TRIM44: variants seen among roughly 807,000 people sequenced by gnomAD.
TRIM44 encodes the protein tripartite motif containing 44.
Under a neutral mutation model 37.4 loss-of-function variants are expected in TRIM44, and 13 were observed. The ratio of observed to expected loss-of-function variants is 0.35; its 90% confidence interval spans 0.23 to 0.55. The LOEUF is 0.55. Among genes scored for constraint, TRIM44 ranks in the 20% least tolerant of loss-of-function variants. The pLI is 0.89. For missense variants in TRIM44, 426 were observed against 437.2 expected (o/e 0.97, Z 0.23); for synonymous variants, 175 against 157.2 (o/e 1.11, Z -0.85).
In TRIM44 at chr11:35,813,700, T is replaced by C. The variant is rs1203950926; in HGVS notation, c.*7315T>C. The C allele has an allele frequency of 6.6e-6, 1 of 151,870 alleles. No individual in the cohort carries two copies. Among genetic ancestry groups the C allele is most frequent in the Non-Finnish European group, 1.5e-5 (1 of 68,014 alleles). 9.4% of individuals were successfully genotyped at this position (151,870 alleles called of 1,614,324 possible). On this transcript the variant is annotated 3_prime_UTR_variant, in exon 5 of 5. Transcript: ENST00000299413. ...TTTAAAATGATGACCCTGTGCACCATACATAAAAAAACTATGCTTAGAAGA... is the reference window on the plus strand; with the variant it reads ...TTTAAAATGATGACCCTGTGCACCACACATAAAAAAACTATGCTTAGAAGA...
intron 4 of TRIM44, among the ~76,000 whole-genome samples, chr11:35,796,337 CAA>C (rs1853289460): frequency 6.6e-6 from 1 of 152,174 alleles, no homozygotes. Flanking sequence ...AGATAAGTGT[CAA>C]GTATATTTAT....
chr11:35,791,686 G>A (rs559046870), intron 4 of TRIM44, among the ~76,000 whole-genome samples: 26 of 152,052 alleles, frequency 1.7e-4, no homozygotes, highest in African/African-American at 5.5e-4. Context: ...CATACCCCCC[G>A]CTCCTTGCCC....
intron 2 of TRIM44, among the ~76,000 whole-genome samples, chr11:35,719,922 T>G (rs970285282): frequency 6.6e-6 from 1 of 152,216 alleles, no homozygotes; most frequent in Non-Finnish European, 1.5e-5. Flanking sequence ...TTTGCTAGTA[T>G]CACACTGTCT....
chr11:35,759,503 C>T (rs1320227122), intron 4 of TRIM44, among the ~76,000 whole-genome samples: 1 of 152,232 alleles, frequency 6.6e-6, no homozygotes, highest in South Asian at 2.1e-4. Context: ...CTCAACTCGT[C>T]AAAGTCATTC....
At position 35,729,825 on chromosome 11, in the gene TRIM44, C is replaced by G. The variant is rs143329863; in HGVS notation, c.987+3662C>G. Among the ~76,000 whole-genome samples, 350 of 152,266 alleles carry G rather than the reference C, an allele frequency of 2.3e-3. 2 individuals are homozygous for G. Among genetic ancestry groups the G allele is most frequent in the African/African-American group, 8.0e-3 (332 of 41,568 alleles). ...ACTAGGTTTTTATAATATAACTCAT[C>G]ATGTCCAGGATACAGACCAAAGAAC... On this transcript the variant is annotated intron_variant, in intron 3 of 4. Transcript: ENST00000299413.
At chr11:35,757,673 T>C (rs1159202276) in intron 4 of TRIM44, among the ~76,000 whole-genome samples, 1 of 152,256 alleles carries the variant, frequency 6.6e-6, no homozygotes, top group Non-Finnish European at 1.5e-5. Flanking sequence ...GCTTTGAATG[T>C]GTCCCAGAGA....
chr11:35,782,134 A>C (rs1853073614), intron 4 of TRIM44, among the ~76,000 whole-genome samples: 1 of 152,220 alleles, frequency 6.6e-6, no homozygotes, highest in Non-Finnish European at 1.5e-5. Flanking sequence ...ATAATTTTAA[A>C]ACAATATTAC....
intron 2 of TRIM44, among the ~76,000 whole-genome samples, chr11:35,725,466 T>A (rs1852163197): frequency 6.6e-6 from 1 of 152,114 alleles, no homozygotes; most frequent in African/African-American, 2.4e-5. Flanking sequence ...CCCAAGTAGC[T>A]GGGATTACAG....
rs1430927827 is a variant in TRIM44, at chr11:35,756,556, G to A, written c.1007+21111G>A. ...TCCAACACTATGTTGAATAGGAGTG[G>A]TGAGAGAGGGCATCCCTGTCTTGTG... On this transcript the variant is annotated intron_variant, in intron 4 of 4. Transcript: ENST00000299413. Among the ~76,000 whole-genome samples, 3 of 152,136 alleles carry A rather than the reference G, an allele frequency of 2.0e-5. No homozygotes were observed. The East Asian group carries it at 5.8e-4, about 29-fold the overall frequency.
intron 2 of TRIM44, among the ~76,000 whole-genome samples, chr11:35,691,900 C>T (rs1851640794): frequency 6.6e-6 from 1 of 152,198 alleles, no homozygotes; most frequent in Non-Finnish European, 1.5e-5. Context: ...CTGTCTTGGC[C>T]TCCCAAAGTG....
intron 4 of TRIM44, among the ~76,000 whole-genome samples, chr11:35,758,328 C>A (rs936431002): frequency 3.3e-5 from 5 of 152,052 alleles, no homozygotes; most frequent in African/African-American, 1.2e-4. Flanking sequence ...CAACCCCTGC[C>A]TTTTTTTGTT....
intron 4 of TRIM44, among the ~76,000 whole-genome samples, chr11:35,747,958 A>G (rs1459692252): frequency 6.6e-6 from 1 of 152,154 alleles, no homozygotes; most frequent in Non-Finnish European, 1.5e-5. Flanking sequence ...AGTTGCATAG[A>G]TGAAAAGGCC....
intron 3 of TRIM44, among the ~76,000 whole-genome samples, chr11:35,726,996 C>CA (rs1351392855): frequency 2.1e-4 from 31 of 144,704 alleles, no homozygotes; most frequent in South Asian, 4.4e-4. Flanking sequence ...CCTGTGTCTA[C>CA]AAAAAAAAAA....
At chr11:35,731,608 A>T (rs1247509886) in intron 3 of TRIM44, among the ~76,000 whole-genome samples, 1 of 150,704 alleles carries the variant, frequency 6.6e-6, no homozygotes, top group Non-Finnish European at 1.5e-5. Flanking sequence ...CTTCTCCTTT[A>T]TTTTTTTTTC....
chr11:35,706,591 A>G (rs1324561239), intron 2 of TRIM44, among the ~76,000 whole-genome samples: 1 of 152,200 alleles, frequency 6.6e-6, no homozygotes, highest in South Asian at 2.1e-4. Context: ...ATCCCTGGGA[A>G]GCAAGGCTGG....
Position 35,663,625 on chromosome 11 carries a change from G to A in TRIM44, c.514G>A (p.Glu172Lys), listed in dbSNP as rs575820709. The change falls in exon 1 of 5, where the codon GAG becomes AAG. Residue 172 changes from glutamate to lysine, a missense_variant. By Grantham distance (56) the Glu-to-Lys change is moderately conservative. This residue lies in a region of TRIM44 where 331 missense variants were observed against 303.0 expected (regional missense o/e 1.09). Coordinates refer to ENST00000299413, the MANE Select transcript of TRIM44 (RefSeq NM_017583.6). ...EFDPEIEMEA[E>K]RVAKRKCPDH... ...TGACCCAGAAATAGAAATGGAAGCA[G>A]AGAGAGTGGCCAAGAGGAAGTGTCC... 11 of 1,614,050 alleles carry A rather than the reference G, an allele frequency of 6.8e-6. No individual in the cohort carries two copies. Among genetic ancestry groups the A allele is most frequent in the Non-Finnish European group, 9.3e-6 (11 of 1,180,040 alleles).
At chr11:35,688,319 A>G (rs889342728) in intron 2 of TRIM44, among the ~76,000 whole-genome samples, 3 of 152,246 alleles carry the variant, frequency 2.0e-5, no homozygotes, top group Non-Finnish European at 4.4e-5. Context: ...CTATTGGGGA[A>G]TGAGTTAATT....
chr11:35,703,086 C>T (rs1406980818), intron 2 of TRIM44, among the ~76,000 whole-genome samples: 2 of 152,200 alleles, frequency 1.3e-5, no homozygotes, highest in South Asian at 2.1e-4. Flanking sequence ...GCTTAAAAAA[C>T]GGCGCACCAG....
chr11:35,666,275 A>G (rs1851331452), intron 1 of TRIM44, among the ~76,000 whole-genome samples: 1 of 152,158 alleles, frequency 6.6e-6, no homozygotes, highest in Non-Finnish European at 1.5e-5. Context: ...CCCTGTGTGA[A>G]CAGCATGTTT....
Sources: allele counts gnomAD v4.1 joint callset (sites outside exome capture counted in the v4.1 genomes callset), GRCh38; gene constraint gnomAD v4.1.1; regional missense constraint gnomAD v4.1.1; transcripts MANE v1.5; gene names NCBI Gene and HGNC (gene_info 2026-07-23, HGNC 2026-07-21).